ADK: variants seen among roughly 807,000 people sequenced by gnomAD.
ADK encodes the protein adenosine kinase.
A neutral mutation model predicts 44.7 loss-of-function variants in ADK; 24 were observed. That is an observed-to-expected ratio of 0.54 (90% CI 0.39 to 0.76). ADK has a LOEUF of 0.76. Among genes scored for constraint, ADK ranks in the 30% least tolerant of loss-of-function variants. ADK has a pLI of 0.00. For synonymous variants in ADK, 128 were observed against 142.6 expected (o/e 0.90, Z 0.73); for missense variants, 321 against 425.1 (o/e 0.76, Z 2.15).
chr10:74,574,419 T>TGG (rs1851106737), intron 7 of ADK, among the ~76,000 whole-genome samples: 1 of 152,182 alleles, frequency 6.6e-6, no homozygotes, highest in Admixed American at 6.5e-5. Flanking sequence ...TCTGCCTGCC[T>TGG]CAGCCTCCCA....
chr10:74,694,841 T>C (rs904770555), intron 10 of ADK, among the ~76,000 whole-genome samples: 1 of 152,198 alleles, frequency 6.6e-6, no homozygotes, highest in African/African-American at 2.4e-5. Flanking sequence ...TTTTTGTGTG[T>C]CTTATTTAAG....
At chr10:74,480,738 C>A (rs1325140263) in intron 6 of ADK, among the ~76,000 whole-genome samples, 1 of 151,904 alleles carries the variant, frequency 6.6e-6, no homozygotes, top group Non-Finnish European at 1.5e-5. Flanking sequence ...TCCAGGTATG[C>A]AATAATAAGC....
At chr10:74,289,833 C>CAAA (rs34417435) in intron 3 of ADK, among the ~76,000 whole-genome samples, 7 of 135,998 alleles carry the variant, frequency 5.1e-5, no homozygotes, top group East Asian at 4.4e-4. Context: ...TTTAGTGGGC[C>CAAA]AAAAAAAAAA....
intron 10 of ADK, among the ~76,000 whole-genome samples, chr10:74,674,236 T>TA (rs1855298627): frequency 6.6e-6 from 1 of 152,168 alleles, no homozygotes; most frequent in African/African-American, 2.4e-5. Flanking sequence ...GCATCTATCT[T>TA]ACAACAGAAA....
chr10:74,421,220 A>G (rs149335182), intron 6 of ADK, among the ~76,000 whole-genome samples: 143 of 152,316 alleles, frequency 9.4e-4, no homozygotes, highest in Middle Eastern at 6.8e-3. Flanking sequence ...AAGGAACACT[A>G]TAGAAACACT....
chr10:74,324,841 T>C (rs1592048932), intron 4 of ADK, among the ~76,000 whole-genome samples: 1 of 152,222 alleles, frequency 6.6e-6, no homozygotes, highest in African/African-American at 2.4e-5. Flanking sequence ...ATAATGGCTG[T>C]GCTAGTTTAC....
intron 3 of ADK, among the ~76,000 whole-genome samples, chr10:74,255,100 A>G (rs1016279453): frequency 1.3e-5 from 2 of 152,222 alleles, no homozygotes; most frequent in African/African-American, 4.8e-5. Flanking sequence ...ATTTTTCTAT[A>G]GAAAACAATA....
chr10:74,378,671 A>G (rs1464156314), intron 4 of ADK, among the ~76,000 whole-genome samples: 5 of 152,236 alleles, frequency 3.3e-5, no homozygotes. Flanking sequence ...TACAATGTTA[A>G]ATAGTTTTAT....
At chr10:74,259,665 G>A (rs1845969342) in intron 3 of ADK, among the ~76,000 whole-genome samples, 1 of 151,638 alleles carries the variant, frequency 6.6e-6, no homozygotes, top group Non-Finnish European at 1.5e-5. Context: ...CACCATGTTA[G>A]CCAGGATGGT....
At chr10:74,270,201 T>A (rs779734731) in intron 3 of ADK, among the ~76,000 whole-genome samples, 1 of 152,194 alleles carries the variant, frequency 6.6e-6, no homozygotes, top group Non-Finnish European at 1.5e-5. Flanking sequence ...CCCAAAGTGC[T>A]ATTGCTTAGT....
chr10:74,308,286 A>C (rs1441585630), intron 3 of ADK, among the ~76,000 whole-genome samples: 1 of 152,236 alleles, frequency 6.6e-6, no homozygotes, highest in Admixed American at 6.5e-5. Context: ...TTATCAAAAA[A>C]ATAAAATTGG....
intron 7 of ADK, among the ~76,000 whole-genome samples, chr10:74,577,225 T>C (rs918409395): frequency 1.3e-5 from 2 of 151,814 alleles, no homozygotes; most frequent in Admixed American, 1.3e-4. Context: ...TCTTTGTAGA[T>C]GTGGGGTAGT....
At chr10:74,455,741 C>CTCG (rs1845921980) in intron 6 of ADK, among the ~76,000 whole-genome samples, 2 of 152,044 alleles carry the variant, frequency 1.3e-5, no homozygotes, top group South Asian at 4.1e-4. Flanking sequence ...ATCTCTTGAC[C>CTCG]TCGTGATCCT....
chr10:74,561,653 G>A (rs1564792753), intron 7 of ADK, among the ~76,000 whole-genome samples: 1 of 152,182 alleles, frequency 6.6e-6, no homozygotes, highest in African/African-American at 2.4e-5. Context: ...GATGTTCACT[G>A]TTTATAACAT....
rs1219977519 is a variant in ADK, at chr10:74,180,316, C to T, written c.66-20448C>T. Among the ~76,000 whole-genome samples, 6 of 148,380 alleles carry T rather than the reference C, an allele frequency of 4.0e-5. 1 individual carries two copies. The highest frequency in any genetic ancestry group is 8.9e-5 in the Non-Finnish European group (6 of 67,194). On this transcript the variant is annotated intron_variant, in intron 1 of 10. Coordinates refer to ENST00000539909, the MANE Select transcript of ADK (RefSeq NM_006721.4). ...GCAGTGGCGCGATCTCGGCTCATTGCAACCTCCACCTCCTGGGTTGAAGCC... is the reference window on the plus strand; with the variant it reads ...GCAGTGGCGCGATCTCGGCTCATTGTAACCTCCACCTCCTGGGTTGAAGCC...
intron 3 of ADK, among the ~76,000 whole-genome samples, chr10:74,236,734 A>G (rs1048618589): frequency 2.0e-5 from 3 of 152,220 alleles, no homozygotes; most frequent in Non-Finnish European, 2.9e-5. Context: ...AGAGAAATAC[A>G]TGAAGATTAT....
chr10:74,580,249 G>T (rs189244785), intron 7 of ADK, among the ~76,000 whole-genome samples: 3 of 152,252 alleles, frequency 2.0e-5, no homozygotes, highest in Admixed American at 2.0e-4. Context: ...TCATGGTAGT[G>T]TATAAGTCTC....
At chr10:74,610,909 C>G (rs1001597925) in intron 9 of ADK, among the ~76,000 whole-genome samples, 3 of 151,920 alleles carry the variant, frequency 2.0e-5, no homozygotes, top group Non-Finnish European at 4.4e-5. Flanking sequence ...TTAAACTTCC[C>G]CAAGTTTCTA....
intron 6 of ADK, among the ~76,000 whole-genome samples, chr10:74,438,259 C>T (rs1334621554): frequency 2.0e-5 from 3 of 151,620 alleles, no homozygotes; most frequent in African/African-American, 4.8e-5. Context: ...ACAGTCTCCC[C>T]TGTCACCCAG....
Sources: allele counts gnomAD v4.1 joint callset (sites outside exome capture counted in the v4.1 genomes callset), GRCh38; gene constraint gnomAD v4.1.1; transcripts MANE v1.5; gene names NCBI Gene and HGNC (gene_info 2026-07-23, HGNC 2026-07-21).